Variants in ASTN2 observed in about 807,000 individuals in gnomAD.
ASTN2 encodes astrotactin-2.
Under a neutral mutation model 139.8 loss-of-function variants are expected in ASTN2, and 54 were observed. The observed-to-expected ratio is 0.39, with a 90% CI of 0.31 to 0.48. The LOEUF (loss-of-function observed/expected upper bound fraction) is 0.48, where lower values mean the gene tolerates loss of function less well. Ranked by LOEUF, ASTN2 falls within the 20% of genes least tolerant of loss-of-function variation. ASTN2 has a pLI of 0.95. For missense variants in ASTN2, 1,565 were observed against 1,725.1 expected, an observed-to-expected ratio of 0.91 and a Z score of 1.64; for synonymous variants, 756 against 719.5, an observed-to-expected ratio of 1.05 and a Z score of -0.81.
intron 22 of ASTN2, among the ~76,000 whole-genome samples, chr9:116,440,288 A>C (rs970656949): frequency 9.2e-5 from 14 of 152,124 alleles, no homozygotes; most frequent in African/African-American, 3.1e-4. Flanking sequence ...CCCCTCTGTG[A>C]TCTTGGTTAG....
At chr9:117,019,836 G>A (rs562277781) in intron 6 of ASTN2, among the ~76,000 whole-genome samples, 5 of 152,006 alleles carry the variant, frequency 3.3e-5, no homozygotes, top group Non-Finnish European at 5.9e-5. Flanking sequence ...TGAACCTTGC[G>A]GATTCTCTTC....
chr9:117,037,300 C>T (rs1184401800), intron 6 of ASTN2, among the ~76,000 whole-genome samples: 4 of 150,934 alleles, frequency 2.7e-5, no homozygotes, highest in African/African-American at 7.3e-5. Flanking sequence ...TCCAAATCAT[C>T]AAGACGGTTT....
Position 116,512,447 on chromosome 9 carries a change from G to A in ASTN2, c.3356-24947C>T, listed in dbSNP as rs150154301. ...CTATGTGGTCAATTTTGGAATAAGT[G>A]CGATGTGGTGCTGAGAAGAATGTAT... On this transcript the variant is annotated intron_variant, in intron 19 of 22. Coordinates refer to ENST00000313400, the MANE Select transcript of ASTN2 (RefSeq NM_001365068.1). 6.1e-3 allele frequency among the ~76,000 whole-genome samples: 933 copies of A among 152,284 alleles called. 14 individuals carry two copies. Among genetic ancestry groups the A allele is most frequent in the African/African-American group, 0.021 (872 of 41,554 alleles).
intron 12 of ASTN2, among the ~76,000 whole-genome samples, chr9:116,812,130 T>G (rs1831183210): frequency 6.6e-6 from 1 of 152,180 alleles, no homozygotes; most frequent in African/African-American, 2.4e-5. Flanking sequence ...ACATTCAGGA[T>G]CCCAAAGTTT....
At chr9:117,393,703 G>C (rs1468365954) in intron 1 of ASTN2, among the ~76,000 whole-genome samples, 3 of 152,162 alleles carry the variant, frequency 2.0e-5, no homozygotes, top group Non-Finnish European at 2.9e-5. Flanking sequence ...GTCTCGCAGG[G>C]ACTGAGAGCT....
At chr9:117,237,969 A>T (rs1833094169) in intron 2 of ASTN2, among the ~76,000 whole-genome samples, 1 of 152,176 alleles carries the variant, frequency 6.6e-6, no homozygotes, top group Non-Finnish European at 1.5e-5. Flanking sequence ...GGAGACACAC[A>T]GTTGTCTTTC....
In ASTN2 at chr9:116,736,573, G is replaced by A. The variant is rs563431223; in HGVS notation, c.2397-3050C>T. 7.2e-5 allele frequency among the ~76,000 whole-genome samples: 11 copies of A among 152,278 alleles called. No homozygotes were observed. In the South Asian group the frequency reaches 2.3e-3, roughly 32 times the overall value. On this transcript the variant is annotated intron_variant, in intron 13 of 22. Coordinates refer to ENST00000313400, the MANE Select transcript of ASTN2 (RefSeq NM_001365068.1). ...GGAGGACCTTGCTGCTCCTACAAGA[G>A]AGGAGAGAGTTAGCTATTCACCACA...
chr9:117,129,855 TA>T (rs1171279554), intron 4 of ASTN2, among the ~76,000 whole-genome samples: 2 of 152,194 alleles, frequency 1.3e-5, no homozygotes, highest in African/African-American at 2.4e-5. Context: ...GTTGTAAAAT[TA>T]ATTTTGCCAT....
rs1271571576 is a variant in ASTN2, at chr9:117,412,014, C to T, written c.442+2483G>A. On this transcript the variant is annotated intron_variant, in intron 1 of 22. Coordinates refer to ENST00000313400, the MANE Select transcript of ASTN2 (RefSeq NM_001365068.1). ...CCACCCCCACCTCACCCCTCCCCCC[C>T]CCAACCCCCAGCGGGCACCAACTCT... Among the ~76,000 whole-genome samples, 5 of 150,396 alleles carry T rather than the reference C, an allele frequency of 3.3e-5. No individual in the cohort carries two copies. The East Asian group carries it at 6.0e-4, about 18-fold the overall frequency.
At chr9:116,796,710 T>C (rs960637125) in intron 13 of ASTN2, among the ~76,000 whole-genome samples, 3 of 152,226 alleles carry the variant, frequency 2.0e-5, no homozygotes, top group Non-Finnish European at 4.4e-5. Flanking sequence ...GGAACAGTTT[T>C]ATTATGCAAG....
In ASTN2 at chr9:117,372,344, G is replaced by A. The variant is rs137857378; in HGVS notation, c.442+42153C>T. ...TAAGTCAATGATCAGTCAGATATTGGTACTAGTTAGCAAGTCTTACCAAAC... is the reference window on the plus strand; with the variant it reads ...TAAGTCAATGATCAGTCAGATATTGATACTAGTTAGCAAGTCTTACCAAAC... On this transcript the variant is annotated intron_variant, in intron 1 of 22. Coordinates refer to ENST00000313400, the MANE Select transcript of ASTN2 (RefSeq NM_001365068.1). 1.3e-4 allele frequency among the ~76,000 whole-genome samples: 20 copies of A among 152,212 alleles called. No individual in the cohort carries two copies. The East Asian group carries it at 3.5e-3, about 27-fold the overall frequency.
At chr9:117,004,440 AC>A (rs1204715897) in intron 7 of ASTN2, among the ~76,000 whole-genome samples, 1 of 152,180 alleles carries the variant, frequency 6.6e-6, no homozygotes, top group Non-Finnish European at 1.5e-5. Context: ...TATAGAGGCT[AC>A]AAAAAATATG....
chr9:117,281,687 G>A (rs1036044423), intron 2 of ASTN2, among the ~76,000 whole-genome samples: 6 of 152,126 alleles, frequency 3.9e-5, no homozygotes, highest in African/African-American at 1.4e-4. Context: ...GGGGACACAC[G>A]CCCTGACTCT....
chr9:117,133,622 G>A (rs1287737441), intron 4 of ASTN2, among the ~76,000 whole-genome samples: 1 of 152,186 alleles, frequency 6.6e-6, no homozygotes, highest in Non-Finnish European at 1.5e-5. Flanking sequence ...TTGTGCACTT[G>A]AGAGTAATTA....
chr9:116,637,319 A>T (rs1857122380), intron 17 of ASTN2, among the ~76,000 whole-genome samples: 1 of 152,184 alleles, frequency 6.6e-6, no homozygotes, highest in African/African-American at 2.4e-5. Context: ...GAGAGGATTA[A>T]CTTTCACTGA....
intron 19 of ASTN2, chr9:116,612,631 A>C (rs1055739142): frequency 6.6e-6 from 1 of 152,322 alleles, no homozygotes. Flanking sequence ...CTGGGTACAT[A>C]ACGAAATGAA....
At position 117,203,945 on chromosome 9, in the gene ASTN2, C is replaced by T. The variant is rs1420171667; in HGVS notation, c.1015+10413G>A. Among the ~76,000 whole-genome samples the T allele has an allele frequency of 3.3e-5, 5 of 152,292 alleles. No homozygotes were observed. In the South Asian group the frequency reaches 1.0e-3, roughly 32 times the overall value. On this transcript the variant is annotated intron_variant, in intron 3 of 22. Transcript: ENST00000313400. ...TCTGGGCTGCCCGGATTCATCAGAA[C>T]TACCAGAAGGAGAGGCTAAGTCTGC...
rs561791492 is a variant in ASTN2, at chr9:116,431,558, TGAGC to T, written c.3783-5474_3783-5471del. ...AGGGGTGTTTCAAAAGCAAGCCTGC[TGAGC>T]TGAAAGCAGGAATGGAGAGTGCCCA... On this transcript the variant is annotated intron_variant, in intron 22 of 22. Coordinates refer to ENST00000313400, the MANE Select transcript of ASTN2 (RefSeq NM_001365068.1). Among the ~76,000 whole-genome samples, 1,384 of 152,276 alleles carry T rather than the reference TGAGC, an allele frequency of 9.1e-3. 23 individuals carry two copies. The highest frequency in any genetic ancestry group is 0.031 in the African/African-American group (1,302 of 41,552).
chr9:117,144,368 T>C (rs947198203), intron 3 of ASTN2, among the ~76,000 whole-genome samples: 2 of 152,208 alleles, frequency 1.3e-5, no homozygotes, highest in Non-Finnish European at 2.9e-5. Context: ...ATTTTGAGCA[T>C]GGACATGATG....
Sources: gnomAD v4.1 joint callset for allele counts (sites outside exome capture counted in the v4.1 genomes callset) on GRCh38, gnomAD v4.1.1 for gene constraint, MANE v1.5 for transcripts, NCBI Gene and HGNC (gene_info 2026-07-23, HGNC 2026-07-21) for gene names.